Variants in ELF2 observed in about 807,000 individuals in gnomAD.
The protein encoded by ELF2 is ETS-related transcription factor Elf-2.
Under a neutral mutation model 54.8 loss-of-function variants are expected in ELF2, and 11 were observed. The observed-to-expected ratio is 0.20, with a 90% CI of 0.13 to 0.33. The LOEUF is 0.33. ELF2 is among the 10% of genes least tolerant of loss of function. The pLI, the probability that ELF2 is intolerant of heterozygous loss-of-function variation, is 1.00. For synonymous variants in ELF2, 203 were observed against 245.1 expected (o/e 0.83, Z 1.61); for missense variants, 513 against 703.0 (o/e 0.73, Z 3.06).
intron 1 of ELF2, among the ~76,000 whole-genome samples, chr4:139,151,072 G>GAA (rs1192571929): frequency 8.1e-6 from 1 of 123,584 alleles, no homozygotes; most frequent in African/African-American, 2.7e-5. Context: ...AAGAAAGAAA[G>GAA]AAAGAAAGAA....
intron 1 of ELF2, among the ~76,000 whole-genome samples, chr4:139,170,870 T>A (rs1167580235): frequency 1.3e-5 from 2 of 151,954 alleles, no homozygotes; most frequent in Non-Finnish European, 2.9e-5. Context: ...CTCAGCCTTC[T>A]GAGTAGCTGA....
At chr4:139,136,070 G>A (rs1462634242) in intron 3 of ELF2, among the ~76,000 whole-genome samples, 1 of 152,150 alleles carries the variant, frequency 6.6e-6, no homozygotes, top group Non-Finnish European at 1.5e-5. Flanking sequence ...AAACTATATG[G>A]CAGGAGAAAG....
chr4:139,058,746 T>C lies in ELF2; in HGVS notation c.*237A>G. On this transcript the variant is annotated 3_prime_UTR_variant, in exon 10 of 10. Transcript: ENST00000686138. ...TGGTCCCTTTCGATCCTTTTTCTTA[T>C]TGATGGGTTCAGTTGTTTCCTACTG... 1 of 476,938 alleles carries C rather than the reference T, an allele frequency of 2.1e-6. No homozygotes were observed. The highest frequency in any genetic ancestry group is 3.6e-6 in the Non-Finnish European group (1 of 278,948). 29.5% of individuals were successfully genotyped at this position (476,938 alleles called of 1,614,324 possible). A position where few individuals can be genotyped will look rare whatever the true frequency, so the allele number is the denominator to read the frequency against.
Position 139,142,651 on chromosome 4 carries a change from G to A in ELF2, c.-251-3154C>T, listed in dbSNP as rs143116956. 2.7e-3 allele frequency among the ~76,000 whole-genome samples: 407 copies of A among 152,164 alleles called. 1 individual carries two copies. Among genetic ancestry groups the A allele is most frequent in the African/African-American group, 9.3e-3 (387 of 41,522 alleles). ...GTTTTGCCATTACTTTTAATGTAAT[G>A]CAAACTACTTTTGCACAAACCCATA... On this transcript the variant is annotated intron_variant, in intron 1 of 9. Transcript: ENST00000686138.
In ELF2 at chr4:139,066,021, T is replaced by TTC. The variant is rs1430592706; in HGVS notation, c.613+1662_613+1663insGA. 3 of 148,494 alleles carry TTC rather than the reference T, an allele frequency of 2.0e-5. No individual in the cohort carries two copies. In the East Asian group the frequency reaches 6.0e-4, roughly 30 times the overall value. 9.2% of individuals were successfully genotyped at this position (148,494 alleles called of 1,614,324 possible). A position where few individuals can be genotyped will look rare whatever the true frequency, so the allele number is the denominator to read the frequency against. On this transcript the variant is annotated intron_variant, in intron 7 of 9. Coordinates refer to ENST00000686138, the MANE Select transcript of ELF2 (RefSeq NM_001331036.3). ...TGTTCAATGTCACCTTTTTTTTTTT[T>TTC]TTTTTTTTTTTTGACCTAATGAAAT...
chr4:139,177,298 C>T (rs1743068268), upstream of ELF2: 1 of 150,596 alleles, frequency 6.6e-6, no homozygotes, highest in Admixed American at 6.6e-5. Flanking sequence ...CTCCTGCCGC[C>T]TCCACCAGGA....
At chr4:139,169,554 T>C (rs1742059725) in intron 1 of ELF2, among the ~76,000 whole-genome samples, 1 of 151,902 alleles carries the variant, frequency 6.6e-6, no homozygotes, top group African/African-American at 2.4e-5. Context: ...TCTTCCTCAT[T>C]TTTCCTTTAA....
At chr4:139,060,251 G>C in intron 9 of ELF2, 73 bp downstream of exon 9, 1 of 1,339,952 alleles carries the variant, frequency 7.5e-7, no homozygotes. Context: ...TTAAGCAAAA[G>C]GACATTTTGT....
intron 3 of ELF2, chr4:139,136,720 A>G (rs1253530606): frequency 6.9e-6 from 1 of 144,762 alleles, no homozygotes; most frequent in East Asian, 2.0e-4. Context: ...GCTGGAGTGC[A>G]GTGGCATGAT....
At chr4:139,115,734 A>C (rs1685320434) in intron 4 of ELF2, among the ~76,000 whole-genome samples, 1 of 152,198 alleles carries the variant, frequency 6.6e-6, no homozygotes, top group Admixed American at 6.5e-5. Context: ...TAGTCTCTTA[A>C]AAGTTTATAT....
chr4:139,107,901 G>C (rs1262661248), intron 4 of ELF2, among the ~76,000 whole-genome samples: 1 of 151,990 alleles, frequency 6.6e-6, no homozygotes, highest in Non-Finnish European at 1.5e-5. Flanking sequence ...AAAACAGAGG[G>C]GCTGAGTTTT....
intron 1 of ELF2, among the ~76,000 whole-genome samples, chr4:139,144,772 TC>T (rs2148872926): frequency 6.6e-6 from 1 of 152,330 alleles, no homozygotes; most frequent in South Asian, 2.1e-4. Flanking sequence ...CTAAGCTTTT[TC>T]CTGGAACATT....
chr4:139,075,083 T>C (rs1388527230), intron 4 of ELF2, among the ~76,000 whole-genome samples: 2 of 152,230 alleles, frequency 1.3e-5, no homozygotes, highest in Non-Finnish European at 2.9e-5. Flanking sequence ...CTAAGACTTT[T>C]TCTTAGAGTT....
intron 1 of ELF2, among the ~76,000 whole-genome samples, chr4:139,144,818 A>G (rs993670689): frequency 5.3e-5 from 8 of 152,198 alleles, no homozygotes; most frequent in Admixed American, 2.6e-4. Context: ...CAAAAGCCCA[A>G]CATGGATCTG....
intron 4 of ELF2, among the ~76,000 whole-genome samples, chr4:139,104,100 C>T (rs187299995): frequency 6.6e-6 from 1 of 152,210 alleles, no homozygotes; most frequent in African/African-American, 2.4e-5. Flanking sequence ...GAGAAAACAG[C>T]ATAGGACTTC....
rs554844680 is a variant in ELF2 at position 139,057,680 on chromosome 4, CATA to C, written c.*1300_*1302del. 3 of 152,126 alleles carry C rather than the reference CATA, an allele frequency of 2.0e-5. No homozygotes were observed. The highest frequency in any genetic ancestry group is 4.4e-5 in the Non-Finnish European group (3 of 68,008). 9.4% of individuals were successfully genotyped at this position (152,126 alleles called of 1,614,324 possible). On this transcript the variant is annotated 3_prime_UTR_variant, in exon 10 of 10. Coordinates refer to ENST00000686138, the MANE Select transcript of ELF2 (RefSeq NM_001331036.3). ...CGTTAAGCAGAACATTATAGTTCAT[CATA>C]ATTAGAAAGAAACTGGCAACATGCA...
intron 8 of ELF2, 65 bp downstream of exon 8, chr4:139,061,800 C>A: frequency 1.3e-6 from 2 of 1,540,122 alleles, no homozygotes; most frequent in Admixed American, 2.0e-5. Flanking sequence ...TCTCTTTAAA[C>A]AGCTAATAGA....
chr4:139,164,164 A>G (rs1277956497), intron 1 of ELF2, among the ~76,000 whole-genome samples: 3 of 147,920 alleles, frequency 2.0e-5, no homozygotes, highest in African/African-American at 7.5e-5. Flanking sequence ...AGAAAGAAGG[A>G]AAAGAAAGAA....
At chr4:139,134,252 T>C (rs189726494) in intron 3 of ELF2, among the ~76,000 whole-genome samples, 139 of 152,194 alleles carry the variant, frequency 9.1e-4, no homozygotes, top group Admixed American at 3.3e-3. Flanking sequence ...GTTGATATGG[T>C]GAATCACTTG....
Sources: allele counts gnomAD v4.1 joint callset (sites outside exome capture counted in the v4.1 genomes callset), GRCh38; gene constraint gnomAD v4.1.1; transcripts MANE v1.5; gene names NCBI Gene and HGNC (gene_info 2026-07-23, HGNC 2026-07-21).